ISM2: variants seen among roughly 807,000 people sequenced by gnomAD.
The protein encoded by ISM2 is isthmin-2.
A neutral mutation model predicts 58.0 loss-of-function variants in ISM2; 50 were observed. The observed-to-expected ratio is 0.86, with a 90% CI of 0.69 to 1.09. The LOEUF (loss-of-function observed/expected upper bound fraction) is 1.09, where lower values mean the gene tolerates loss of function less well. ISM2 is among the 50% of genes least tolerant of loss of function. ISM2 has a pLI of 0.00. For missense variants in ISM2, 723 were observed against 745.0 expected, an observed-to-expected ratio of 0.97 and a Z score of 0.34; for synonymous variants, 303 against 312.4, an observed-to-expected ratio of 0.97 and a Z score of 0.32.
Position 77,482,453 on chromosome 14 carries a change from T to C in ISM2, c.842A>G (p.Glu281Gly). ...CTCTTTGTCCTCTTGATCCTCACCC[T>C]CGATATCCTCTGAAGGATAGTCCTC... ...EDEDYPSEDI[E>G]GEDQEDKEED... Residue 281 changes from glutamate to glycine, a missense_variant, in exon 4 of 7, where the codon GAG (glutamate) becomes GGG (glycine). Transcript: ENST00000342219. The C allele has an allele frequency of 1.2e-6, 2 of 1,614,174 alleles. No homozygotes were observed. Among genetic ancestry groups the C allele is most frequent in the Non-Finnish European group, 8.5e-7 (1 of 1,179,992 alleles).
intron 1 of ISM2, among the ~76,000 whole-genome samples, chr14:77,490,333 C>CA (rs1191263735): frequency 6.6e-6 from 1 of 151,994 alleles, no homozygotes; most frequent in African/African-American, 2.4e-5. Context: ...CTGGGCCCCA[C>CA]AAAAAATGTG....
At chr14:77,497,422 T>C (rs1356438084) in intron 1 of ISM2, among the ~76,000 whole-genome samples, 1 of 147,062 alleles carries the variant, frequency 6.8e-6, no homozygotes, top group Non-Finnish European at 1.5e-5. Flanking sequence ...CCATGGCTCA[T>C]GCCTGTAATA....
In ISM2 at chr14:77,475,815, C is replaced by A; in HGVS notation, c.1496G>T (p.Arg499Leu). 6.2e-7 allele frequency: 1 copy of A among 1,612,628 alleles called. No individual in the cohort carries two copies. Among genetic ancestry groups the A allele is most frequent in the Non-Finnish European group, 8.5e-7 (1 of 1,179,692 alleles). Residue 499 changes from arginine (R) to leucine (L), a missense_variant, in exon 7 of 7, where the codon CGG becomes CTG. Coordinates refer to ENST00000342219, the MANE Select transcript of ISM2 (RefSeq NM_199296.3). This position sits in a 1 kb window ranked among gnomAD's most constrained non-coding sequence, Gnocchi z 4.1. ...GGCGCCCTTGCCACGGGTCAGCAGC[C>A]GGCTGTCCTCGTCATAGCAGCAGTG... is the stretch of plus-strand genomic sequence containing the variant. ...AQHCCYDEDS[R>L]LLTRGKGAGM...
chr14:77,495,692 T>G (rs1401266615), intron 1 of ISM2, among the ~76,000 whole-genome samples: 1 of 152,040 alleles, frequency 6.6e-6, no homozygotes, highest in East Asian at 1.9e-4. Context: ...AGGCCAGGAA[T>G]GCTGCTAAAC....
Position 77,497,669 on chromosome 14 carries a change from G to A in ISM2, c.141+984C>T, listed in dbSNP as rs1466269164. Reference sequence around the variant, plus strand: ...TCATCACACCACCGCACTCCAGCCTGGGTGACAGAGAGAGATCCTGTCCCA... The same window carrying A: ...TCATCACACCACCGCACTCCAGCCTAGGTGACAGAGAGAGATCCTGTCCCA... On this transcript the variant is annotated intron_variant, in intron 1 of 6. Coordinates refer to ENST00000342219, the MANE Select transcript of ISM2 (RefSeq NM_199296.3). 2.0e-5 allele frequency among the ~76,000 whole-genome samples: 3 copies of A among 150,836 alleles called. No individual in the cohort carries two copies. In the Admixed American group the frequency reaches 2.0e-4, roughly 10 times the overall value.
At chr14:77,490,760 C>T (rs10145192) in intron 1 of ISM2, among the ~76,000 whole-genome samples, 2,126 of 152,330 alleles carry the variant, frequency 0.014, 46 homozygotes, top group African/African-American at 0.047. Flanking sequence ...AGACTGAGAT[C>T]GGAGAGGCTG....
chr14:77,485,222 C>T (rs1233791120), intron 1 of ISM2, among the ~76,000 whole-genome samples: 1 of 152,230 alleles, frequency 6.6e-6, no homozygotes, highest in Non-Finnish European at 1.5e-5. Flanking sequence ...ATGAAGAAAC[C>T]ACAGCCCAAG....
At chr14:77,482,968 A>T (rs1305566250) in intron 3 of ISM2, 1 of 289,006 alleles carries the variant, frequency 3.5e-6, no homozygotes, top group Non-Finnish European at 6.3e-6. Flanking sequence ...GCCAGGGTTG[A>T]CACTCACTAG....
intron 1 of ISM2, chr14:77,498,325 G>C (rs1250865257): frequency 4.3e-6 from 6 of 1,387,352 alleles, no homozygotes; most frequent in Non-Finnish European, 5.7e-6. Flanking sequence ...ACCTGGAAAG[G>C]GGGCTGCAGG....
At position 77,478,335 on chromosome 14, in the gene ISM2, GAAAGGAGGCC is replaced by G; in HGVS notation, c.1115-20_1115-11del. 6.2e-7 allele frequency: 1 copy of G among 1,612,096 alleles called. No individual in the cohort carries two copies. Among genetic ancestry groups the G allele is most frequent in the Non-Finnish European group, 8.5e-7 (1 of 1,178,282 alleles). ...TCCTTGTCCTCAGTGCCTTTGGGAG[GAAAGGAGGCC>G]AGGCTGGTGGCTCCGCAGGCCACCT... On this transcript the variant is annotated splice_polypyrimidine_tract_variant and intron_variant, in intron 5 of 6. Transcript: ENST00000342219.
chr14:77,478,099 G>A, intron 6 of ISM2, 143 bp downstream of exon 6: 1 of 715,904 alleles, frequency 1.4e-6, no homozygotes, highest in Admixed American at 2.3e-5. Flanking sequence ...AGGGCCCCCT[G>A]TTGGAGAAGC....
chr14:77,489,550 T>G (rs966345934), intron 1 of ISM2, among the ~76,000 whole-genome samples: 1 of 97,044 alleles, frequency 1.0e-5, no homozygotes, highest in Non-Finnish European at 2.7e-5. Context: ...GTAAGTACTA[T>G]TCTTTTTTTT....
At chr14:77,488,984 T>C (rs971895800) in intron 1 of ISM2, among the ~76,000 whole-genome samples, 2 of 152,030 alleles carry the variant, frequency 1.3e-5, no homozygotes, top group Non-Finnish European at 2.9e-5. Flanking sequence ...TTTTGGGGGG[T>C]GGTGTCACTG....
At chr14:77,476,197 T>C in intron 6 of ISM2, 85 bp from the exon 7 acceptor site, 1 of 1,427,358 alleles carries the variant, frequency 7.0e-7, no homozygotes, top group Non-Finnish European at 9.3e-7. Flanking sequence ...GGCCAGTGCA[T>C]GGGGAGAGAA....
chr14:77,485,020 C>T (rs1403591090), intron 1 of ISM2, 101 bp from the exon 2 acceptor site: 6 of 1,295,212 alleles, frequency 4.6e-6, no homozygotes, highest in Admixed American at 4.6e-5. Context: ...GGGGTCTGAC[C>T]GGGTCATAAA....
intron 1 of ISM2, among the ~76,000 whole-genome samples, chr14:77,489,552 C>CTT (rs67819053): frequency 5.9e-5 from 9 of 151,374 alleles, no homozygotes; most frequent in East Asian, 2.0e-4. Context: ...AAGTACTATT[C>CTT]TTTTTTTTTA....
chr14:77,479,732 C>T (rs1395389155), intron 4 of ISM2, among the ~76,000 whole-genome samples: 1 of 152,144 alleles, frequency 6.6e-6, no homozygotes, highest in African/African-American at 2.4e-5. Context: ...CCAGGCTGGT[C>T]TCGAACTCCT....
intron 1 of ISM2, among the ~76,000 whole-genome samples, chr14:77,497,773 A>AGGGAGGGAGGGAG (rs1566760612): frequency 1.8e-5 from 1 of 56,528 alleles, no homozygotes; most frequent in African/African-American, 1.1e-4. Context: ...GAGGGAGGGA[A>AGGGAGGGAGGGAG]GGAAGGAAGG....
At chr14:77,491,513 C>T (rs779564255) in intron 1 of ISM2, among the ~76,000 whole-genome samples, 32 of 152,120 alleles carry the variant, frequency 2.1e-4, no homozygotes, top group Non-Finnish European at 2.1e-4. Flanking sequence ...CTTAGCCTCC[C>T]AAGTAGCTGG....
Sources: allele counts gnomAD v4.1 joint callset (sites outside exome capture counted in the v4.1 genomes callset), GRCh38; gene constraint gnomAD v4.1.1; non-coding constraint Gnocchi (gnomAD v3.1); transcripts MANE v1.5; gene names NCBI Gene and HGNC (gene_info 2026-07-23, HGNC 2026-07-21).